Variants in RBFOX1 observed in about 807,000 individuals in gnomAD.
RBFOX1 encodes RNA binding fox-1 homolog 1.
A neutral mutation model predicts 57.7 loss-of-function variants in RBFOX1; 8 were observed. The ratio of observed to expected loss-of-function variants is 0.14; its 90% CI spans 0.08 to 0.25. The LOEUF (loss-of-function observed/expected upper bound fraction) is 0.25, where lower values mean the gene tolerates loss of function less well. Among genes scored for constraint, RBFOX1 ranks in the 10% least tolerant of loss-of-function variants. The probability of loss-of-function intolerance (pLI) is 1.00; values close to 1 mark genes in which losing one functional copy is unlikely to be tolerated. For synonymous variants in RBFOX1, 326 were observed against 222.4 expected, an observed-to-expected ratio of 1.47 and a Z score of -4.15; for missense variants, 611 against 548.5, an observed-to-expected ratio of 1.11 and a Z score of -1.14.
At chr16:6,880,544 C>T (rs908822828) in intron 3 of RBFOX1, among the ~76,000 whole-genome samples, 3 of 152,138 alleles carry the variant, frequency 2.0e-5, no homozygotes, top group Admixed American at 2.0e-4. Flanking sequence ...GGTTAGACAG[C>T]TTCAGACACG....
At chr16:6,534,124 G>A (rs565440624) in intron 2 of RBFOX1, among the ~76,000 whole-genome samples, 59 of 152,074 alleles carry the variant, frequency 3.9e-4, no homozygotes, top group Middle Eastern at 6.8e-3. Context: ...ATTTGCAATG[G>A]CAAAAGAAGA....
At chr16:7,307,412 C>T (rs1427071201) in intron 4 of RBFOX1, among the ~76,000 whole-genome samples, 2 of 152,202 alleles carry the variant, frequency 1.3e-5, no homozygotes, top group African/African-American at 4.8e-5. Context: ...GGAGTCTACT[C>T]TGAATGGCCA....
intron 3 of RBFOX1, among the ~76,000 whole-genome samples, chr16:5,824,638 T>C (rs7194087): frequency 0.069 from 10,482 of 152,292 alleles, 943 homozygotes; most frequent in African/African-American, 0.21. Flanking sequence ...TCCCTGCAAA[T>C]TGATTCCTAT....
intron 2 of RBFOX1, among the ~76,000 whole-genome samples, chr16:5,474,177 C>G (rs1375011957): frequency 6.6e-6 from 1 of 152,160 alleles, no homozygotes; most frequent in African/African-American, 2.4e-5. Context: ...TCAAACCCTA[C>G]CCATTATTCA....
At chr16:6,895,600 A>G (rs1205402540) in intron 3 of RBFOX1, among the ~76,000 whole-genome samples, 1 of 151,034 alleles carries the variant, frequency 6.6e-6, no homozygotes, top group East Asian at 1.9e-4. Context: ...TTAAAGGAGG[A>G]AGTGGAGGAG....
In RBFOX1 at chr16:7,701,286, C is replaced by T. The variant is rs2080617832; in HGVS notation, c.996-7770C>T. ...TGTAGGTCAGGGGTCCCCAACTGGA[C>T]ACACAGCAGGTGGTGAGCGGGGTGG... is the stretch of plus-strand genomic sequence containing the variant. On this transcript the variant is annotated intron_variant, in intron 14 of 15. Transcript: ENST00000550418. 2.0e-5 allele frequency among the ~76,000 whole-genome samples: 3 copies of T among 151,686 alleles called. No individual in the cohort carries two copies. In the South Asian group the frequency reaches 6.2e-4, roughly 31 times the overall value.
chr16:5,353,335 G>A (rs1177812935), intron 1 of RBFOX1, among the ~76,000 whole-genome samples: 1 of 150,374 alleles, frequency 6.7e-6, no homozygotes, highest in Non-Finnish European at 1.5e-5. Context: ...GCAAGATCAT[G>A]CCACTGCACT....
At chr16:5,725,062 G>A (rs891861432) in intron 3 of RBFOX1, among the ~76,000 whole-genome samples, 17 of 152,042 alleles carry the variant, frequency 1.1e-4, no homozygotes, top group African/African-American at 3.6e-4. Context: ...GATGCCAGTG[G>A]ATAATGAGGG....
intron 3 of RBFOX1, among the ~76,000 whole-genome samples, chr16:7,046,655 G>C (rs572620814): frequency 2.3e-5 from 3 of 128,788 alleles, no homozygotes; most frequent in Admixed American, 1.9e-4. Flanking sequence ...GTCTCAGTCT[G>C]TGTGCAATGG....
chr16:6,716,896 C>G (rs543680974), intron 3 of RBFOX1, among the ~76,000 whole-genome samples: 2 of 152,176 alleles, frequency 1.3e-5, no homozygotes, highest in Admixed American at 6.5e-5. Flanking sequence ...GAAATCCTAA[C>G]TCCCAATGTG....
At chr16:7,475,591 G>A (rs541568112) in intron 4 of RBFOX1, among the ~76,000 whole-genome samples, 1 of 152,174 alleles carries the variant, frequency 6.6e-6, no homozygotes, top group African/African-American at 2.4e-5. Context: ...GGGATTACAG[G>A]TGTGAGCCAC....
Position 6,969,960 on chromosome 16 carries a change from C to T in RBFOX1, c.-15-82097C>T, listed in dbSNP as rs150397589. Among the ~76,000 whole-genome samples the T allele has an allele frequency of 3.2e-4, 48 of 152,074 alleles. No individual in the cohort carries two copies. In the East Asian group the frequency reaches 7.9e-3, roughly 25 times the overall value. On this transcript the variant is annotated intron_variant, in intron 3 of 15. Transcript: ENST00000550418. ...ACAGAAATGTCACACAATAAGGACA[C>T]GTGTTATTTTATGTAATATAAAGTC... is the stretch of plus-strand genomic sequence containing the variant.
chr16:5,610,990 C>G (rs779883980), intron 3 of RBFOX1, among the ~76,000 whole-genome samples: 3 of 152,212 alleles, frequency 2.0e-5, no homozygotes, highest in Non-Finnish European at 4.4e-5. Flanking sequence ...CTTGACACAG[C>G]TTACAGAGCA....
intron 1 of RBFOX1, among the ~76,000 whole-genome samples, chr16:5,271,156 C>T (rs1183025954): frequency 6.6e-6 from 1 of 151,954 alleles, no homozygotes; most frequent in African/African-American, 2.4e-5. Context: ...GCACTCCAGC[C>T]TGGGCAACAG....
At chr16:7,145,528 AT>A (rs80323380) in intron 4 of RBFOX1, among the ~76,000 whole-genome samples, 7 of 151,114 alleles carry the variant, frequency 4.6e-5, no homozygotes, top group Admixed American at 1.3e-4. Flanking sequence ...TTGCCATGTG[AT>A]TTTTTTTTCT....
intron 2 of RBFOX1, among the ~76,000 whole-genome samples, chr16:6,536,518 A>G (rs1274651025): frequency 6.6e-6 from 1 of 151,760 alleles, no homozygotes; most frequent in Non-Finnish European, 1.5e-5. Flanking sequence ...TGCATTTTAA[A>G]TTAGCTCTGT....
chr16:6,679,009 G>T (rs1229524800), intron 3 of RBFOX1, among the ~76,000 whole-genome samples: 1 of 152,104 alleles, frequency 6.6e-6, no homozygotes, highest in Non-Finnish European at 1.5e-5. Context: ...TCTTTCAGAT[G>T]TCAAAGAGAT....
rs1418466284 is a variant in RBFOX1 at position 7,658,994 on chromosome 16, G to A, written c.890+5047G>A. On this transcript the variant is annotated intron_variant, in intron 12 of 15. Transcript: ENST00000550418. Reference sequence around the variant, plus strand: ...CCCACCTCAGCCTCCCAAAGTGCTGGGATTACAGGCATGTGCCACCGCCCC... The same window carrying A: ...CCCACCTCAGCCTCCCAAAGTGCTGAGATTACAGGCATGTGCCACCGCCCC... Among the ~76,000 whole-genome samples the A allele has an allele frequency of 2.6e-5, 4 of 152,252 alleles. No homozygotes were observed. The East Asian group carries it at 5.8e-4, about 22-fold the overall frequency.
At chr16:6,312,609 G>T (rs2080474283) in intron 1 of RBFOX1, among the ~76,000 whole-genome samples, 1 of 152,110 alleles carries the variant, frequency 6.6e-6, no homozygotes, top group Admixed American at 6.5e-5. Context: ...GAGGCTGAGT[G>T]TGTCTAAAAT....
Sources: gnomAD v4.1 joint callset for allele counts (sites outside exome capture counted in the v4.1 genomes callset) on GRCh38, gnomAD v4.1.1 for gene constraint, MANE v1.5 for transcripts, NCBI Gene and HGNC (gene_info 2026-07-23, HGNC 2026-07-21) for gene names.